DDC: variants seen among roughly 807,000 people sequenced by gnomAD.
DDC encodes the protein aromatic-L-amino-acid decarboxylase.
A neutral mutation model predicts 60.0 loss-of-function variants in DDC; 43 were observed. The ratio of observed to expected loss-of-function variants is 0.72; its 90% CI spans 0.56 to 0.92. DDC has a LOEUF of 0.92. Ranked by LOEUF, DDC falls within the 40% of genes least tolerant of loss-of-function variation. The pLI, the probability that DDC is intolerant of heterozygous loss-of-function variation, is 0.00. For missense variants in DDC, 573 were observed against 620.2 expected (o/e 0.92, Z 0.81); for synonymous variants, 232 against 234.6 (o/e 0.99, Z 0.10).
At chr7:50,541,156 G>T (rs933103631) in intron 2 of DDC, among the ~76,000 whole-genome samples, 22 of 152,206 alleles carry the variant, frequency 1.4e-4, no homozygotes, top group Non-Finnish European at 2.1e-4. Flanking sequence ...GCCCTGTTCC[G>T]CATTGTCCCC....
At chr7:50,462,906 A>C (rs1227644247) in intron 14 of DDC, among the ~76,000 whole-genome samples, 2 of 151,146 alleles carry the variant, frequency 1.3e-5, no homozygotes, top group Non-Finnish European at 2.9e-5. Flanking sequence ...AATAGCTGGG[A>C]TTACAGGTGC....
At position 50,469,024 on chromosome 7, in the gene DDC, C is replaced by T. The variant is rs537977153; in HGVS notation, c.1140+1049G>A. The stretch of plus-strand genomic sequence containing the variant: ...GCACAATCTCTGCTCATTGCAACCT[C>T]TGCCTCCCAGGTTCAAGTGATTCTT... On this transcript the variant is annotated intron_variant, in intron 12 of 14. Transcript: ENST00000444124. 2.1e-5 allele frequency among the ~76,000 whole-genome samples: 3 copies of T among 145,494 alleles called. No homozygotes were observed. In the South Asian group the frequency reaches 6.5e-4, roughly 32 times the overall value.
intron 6 of DDC, among the ~76,000 whole-genome samples, chr7:50,508,263 A>C (rs897460601): frequency 3.3e-5 from 5 of 152,144 alleles, no homozygotes; most frequent in Admixed American, 6.5e-5. Context: ...GGCTCTGATT[A>C]CTCCAGCTCA....
At chr7:50,525,810 G>C (rs1456717242) in intron 6 of DDC, among the ~76,000 whole-genome samples, 1 of 151,664 alleles carries the variant, frequency 6.6e-6, no homozygotes, top group Non-Finnish European at 1.5e-5. Context: ...TTAATGTTTA[G>C]AATTATGAGC....
chr7:50,526,104 A>G (rs1177349672), intron 6 of DDC, among the ~76,000 whole-genome samples: 2 of 152,214 alleles, frequency 1.3e-5, no homozygotes, highest in African/African-American at 2.4e-5. Flanking sequence ...TGTGAAATCC[A>G]AGAAGAGTAA....
At chr7:50,558,739 A>G (rs1269567545) in intron 1 of DDC, among the ~76,000 whole-genome samples, 1 of 152,130 alleles carries the variant, frequency 6.6e-6, no homozygotes. Context: ...GAATCCACTT[A>G]CACCTCCACT....
intron 8 of DDC, among the ~76,000 whole-genome samples, chr7:50,497,936 T>G (rs981533364): frequency 6.6e-6 from 1 of 152,218 alleles, no homozygotes; most frequent in African/African-American, 2.4e-5. Context: ...TTTCTGGTAT[T>G]ACAGCATTAT....
intron 6 of DDC, among the ~76,000 whole-genome samples, chr7:50,522,279 A>G (rs969424855): frequency 3.9e-5 from 6 of 152,348 alleles, no homozygotes; most frequent in African/African-American, 1.4e-4. Context: ...AAAGATCTAA[A>G]TAAATGTAGG....
At chr7:50,462,184 A>G (rs944934976) in intron 14 of DDC, among the ~76,000 whole-genome samples, 22 of 149,592 alleles carry the variant, frequency 1.5e-4, no homozygotes, top group Middle Eastern at 6.8e-3. Context: ...AGCAGACCCT[A>G]AGGAGGGATC....
chr7:50,498,809 C>A (rs964135040), intron 8 of DDC, among the ~76,000 whole-genome samples: 1 of 152,146 alleles, frequency 6.6e-6, no homozygotes, highest in Non-Finnish European at 1.5e-5. Flanking sequence ...TATGGAATTG[C>A]GGGTTGGTAT....
In DDC at chr7:50,529,173, T is replaced by G. The variant is rs200119881; in HGVS notation, c.570+35A>C. 327 of 1,612,288 alleles carry G rather than the reference T, an allele frequency of 2.0e-4. 3 individuals are homozygous for G. The highest frequency in any genetic ancestry group is 1.7e-3 in the Middle Eastern group (8 of 4,628). ...GACATAAAACCAAACATTCGGGTCT[T>G]GAAGTCTTGGCTGATACCCCCACAA... On this transcript the variant is annotated intron_variant, in intron 5 of 14. Coordinates refer to ENST00000444124, the MANE Select transcript of DDC (RefSeq NM_001082971.2).
intron 14 of DDC, among the ~76,000 whole-genome samples, chr7:50,460,306 C>T (rs2042240436): frequency 1.4e-5 from 2 of 147,630 alleles, no homozygotes; most frequent in Non-Finnish European, 3.0e-5. Context: ...GCCGCCCCTA[C>T]TGGGAAGTGA....
Position 50,463,436 on chromosome 7 carries a change from A to G in DDC, c.1243-5T>C. 1 of 1,613,600 alleles carries G rather than the reference A, an allele frequency of 6.2e-7. No individual in the cohort carries two copies. The highest frequency in any genetic ancestry group is 8.5e-7 in the Non-Finnish European group (1 of 1,179,520). On this transcript the variant is annotated splice_region_variant and splice_polypyrimidine_tract_variant and intron_variant, in intron 13 of 14. Coordinates refer to ENST00000444124, the MANE Select transcript of DDC (RefSeq NM_001082971.2). ...TTCATTCACTTTGTTGGAACCCTGG[A>G]GGGATTGAAAGAGAGGAACTGTGCT...
intron 8 of DDC, among the ~76,000 whole-genome samples, chr7:50,498,903 C>G (rs1459135219): frequency 2.0e-5 from 3 of 152,108 alleles, no homozygotes; most frequent in Non-Finnish European, 4.4e-5. Context: ...AACATTTATT[C>G]TTTCTGTTTG....
intron 4 of DDC, among the ~76,000 whole-genome samples, chr7:50,532,449 G>T (rs779824705): frequency 1.3e-5 from 2 of 152,196 alleles, no homozygotes; most frequent in Non-Finnish European, 2.9e-5. Flanking sequence ...ACCAACCCAA[G>T]CCTATGGTCA....
At chr7:50,473,260 G>C (rs985360792) in intron 11 of DDC, among the ~76,000 whole-genome samples, 2 of 152,176 alleles carry the variant, frequency 1.3e-5, no homozygotes, top group African/African-American at 2.4e-5. Context: ...TGGGCTGAGA[G>C]GTGCCCTGGG....
At chr7:50,526,325 T>C (rs1021266557) in intron 6 of DDC, among the ~76,000 whole-genome samples, 4 of 152,074 alleles carry the variant, frequency 2.6e-5, no homozygotes, top group African/African-American at 9.7e-5. Context: ...TACCAAACAC[T>C]CTAGAATTCT....
Position 50,458,832 on chromosome 7 carries a change from A to G in DDC, c.*30T>C, listed in dbSNP as rs1406725039. On this transcript the variant is annotated 3_prime_UTR_variant, in exon 15 of 15. Coordinates refer to ENST00000444124, the MANE Select transcript of DDC (RefSeq NM_001082971.2). The stretch of plus-strand genomic sequence containing the variant: ...CCAGTTTTCAGATATATCTCTCTTC[A>G]ATTTTTGATTCCTACAGGGAAAAAA... 3 of 151,790 alleles carry G rather than the reference A, an allele frequency of 2.0e-5. No individual in the cohort carries two copies. In the East Asian group the frequency reaches 5.8e-4, roughly 29 times the overall value. 9.4% of individuals were successfully genotyped at this position (151,790 alleles called of 1,614,324 possible).
chr7:50,493,877 T>C (rs919394287), intron 9 of DDC, among the ~76,000 whole-genome samples: 2 of 152,094 alleles, frequency 1.3e-5, no homozygotes, highest in Non-Finnish European at 2.9e-5. Context: ...CTGACATTAG[T>C]TGTTTTGTAT....
Sources: gnomAD v4.1 joint callset for allele counts (sites outside exome capture counted in the v4.1 genomes callset) on GRCh38, gnomAD v4.1.1 for gene constraint, MANE v1.5 for transcripts, NCBI Gene and HGNC (gene_info 2026-07-23, HGNC 2026-07-21) for gene names.